The following AP4E1 variants were observed in gnomAD, a reference collection of about 807,000 sequenced individuals.
AP4E1 encodes adaptor related protein complex 4 subunit epsilon 1.
In AP4E1, 56 loss-of-function variants were observed where a neutral mutation model predicts 128.2. That is an observed-to-expected ratio of 0.44 (90% CI 0.35 to 0.55). AP4E1 has a LOEUF of 0.55. AP4E1 is among the 20% of genes least tolerant of loss of function. The pLI, the probability that AP4E1 is intolerant of heterozygous loss-of-function variation, is 0.00. For missense variants in AP4E1, 1,324 were observed against 1,307.7 expected (o/e 1.01, Z -0.19); for synonymous variants, 484 against 473.1 (o/e 1.02, Z -0.30).
rs920925586 is a variant in AP4E1 at position 50,908,834 on chromosome 15, A to G, written c.56A>G (p.Asn19Ser). The change falls in exon 1 of 21, where the codon AAC becomes AGC. Residue 19 changes from asparagine (N) to serine (S), a missense_variant. Coordinates refer to ENST00000261842, the MANE Select transcript of AP4E1 (RefSeq NM_007347.5). ...GCGCTGCCGGGACTCTTTCTGCAGA[A>G]CCAGCCCGGTGGTGGGCCCGCGGCC... ...LTALPGLFLQ[N>S]QPGGGPAAAK... 6.2e-7 allele frequency: 1 copy of G among 1,607,588 alleles called. No individual in the cohort carries two copies. Among genetic ancestry groups the G allele is most frequent in the African/African-American group, 1.3e-5 (1 of 74,826 alleles).
intron 15 of AP4E1, among the ~76,000 whole-genome samples, chr15:50,972,440 G>A (rs1034737022): frequency 1.3e-5 from 2 of 152,116 alleles, no homozygotes; most frequent in Admixed American, 1.3e-4. Flanking sequence ...TCAAACTCCT[G>A]ACCTCAGGTG....
At chr15:50,977,838 T>C (rs535002198) in intron 15 of AP4E1, among the ~76,000 whole-genome samples, 2 of 151,682 alleles carry the variant, frequency 1.3e-5, no homozygotes, top group Admixed American at 6.6e-5. Flanking sequence ...ACTTCCTAAG[T>C]AGCTAGGACA....
chr15:50,929,052 C>T lies in AP4E1; in HGVS notation c.586C>T (p.His196Tyr). 1 of 1,613,774 alleles carries T rather than the reference C, an allele frequency of 6.2e-7. No homozygotes were observed. The highest frequency in any genetic ancestry group is 1.3e-5 in the African/African-American group (1 of 74,988). Reference protein sequence around the residue: ...RKAVLALYKFHLIAPNQVQHI... With the variant: ...RKAVLALYKFYLIAPNQVQHI... ...AGCTGTTCTGGCATTATACAAATTCCATCTCATTGCTCCTAATCAAGTACA... is the reference window on the plus strand; with the variant it reads ...AGCTGTTCTGGCATTATACAAATTCTATCTCATTGCTCCTAATCAAGTACA... Residue 196 changes from histidine (H) to tyrosine (Y), a missense_variant, in exon 6 of 21, where the codon CAT becomes TAT. Coordinates refer to ENST00000261842, the MANE Select transcript of AP4E1 (RefSeq NM_007347.5).
intron 14 of AP4E1, among the ~76,000 whole-genome samples, chr15:50,960,786 A>G (rs181835961): frequency 3.9e-5 from 6 of 152,136 alleles, no homozygotes; most frequent in African/African-American, 1.4e-4. Flanking sequence ...AGATCAGACC[A>G]GAAATAAACA....
At chr15:50,931,176 C>CA (rs2063831147) in intron 7 of AP4E1, among the ~76,000 whole-genome samples, 1 of 152,134 alleles carries the variant, frequency 6.6e-6, no homozygotes, top group Non-Finnish European at 1.5e-5. Context: ...TAATTTTACC[C>CA]ATCATGAAAG....
rs780257873 is a variant in AP4E1, at chr15:50,908,747, G to GGGC, written c.-22_-20dup. 3 of 1,503,390 alleles carry GGGC rather than the reference G, an allele frequency of 2.0e-6. No homozygotes were observed. Among genetic ancestry groups the GGGC allele is most frequent in the African/African-American group, 2.9e-5 (2 of 68,772 alleles). 93.1% of individuals were successfully genotyped at this position (1,503,390 alleles called of 1,614,324 possible). On this transcript the variant is annotated 5_prime_UTR_variant, in exon 1 of 21. Transcript: ENST00000261842. ...TGAAGCCGGGCGGCTACGGGATCGC[G>GGGC]GGCGGCGGCGGCATCGCGGGCGGCG... is the stretch of plus-strand genomic sequence containing the variant.
chr15:50,929,468 CT>C (rs1313572932), intron 6 of AP4E1, among the ~76,000 whole-genome samples: 2 of 150,858 alleles, frequency 1.3e-5, no homozygotes, highest in African/African-American at 4.9e-5. Context: ...CAGTAATTCT[CT>C]TTTATATAAC....
intron 14 of AP4E1, among the ~76,000 whole-genome samples, chr15:50,962,148 G>A (rs2064323841): frequency 6.6e-6 from 1 of 152,010 alleles, no homozygotes; most frequent in Non-Finnish European, 1.5e-5. Context: ...TAAATCCCAT[G>A]CTCATGGATC....
At chr15:51,001,856 T>C (rs759996439) in intron 20 of AP4E1, among the ~76,000 whole-genome samples, 1 of 152,106 alleles carries the variant, frequency 6.6e-6, no homozygotes, top group Non-Finnish European at 1.5e-5. Flanking sequence ...GAAGTGGAAT[T>C]GGTGGATTAT....
chr15:50,921,116 A>ATT (rs34930404), intron 3 of AP4E1, among the ~76,000 whole-genome samples: 18 of 151,498 alleles, frequency 1.2e-4, no homozygotes, highest in African/African-American at 4.1e-4. Context: ...ATGCCTTATT[A>ATT]TTTTTTTTAT....
chr15:51,001,221 G>A, intron 20 of AP4E1, 38 bp downstream of exon 20: 14 of 1,573,276 alleles, frequency 8.9e-6, no homozygotes, highest in Non-Finnish European at 1.2e-5. Context: ...TGTGTTTATA[G>A]GAGCTTTCTT....
intron 15 of AP4E1, among the ~76,000 whole-genome samples, chr15:50,975,530 C>T: frequency 6.7e-6 from 1 of 150,162 alleles, no homozygotes; most frequent in Admixed American, 6.7e-5. Context: ...TTTGGTTTTC[C>T]CAATGTTGTT....
intron 16 of AP4E1, among the ~76,000 whole-genome samples, chr15:50,991,580 G>T (rs2064807228): frequency 6.6e-6 from 1 of 151,808 alleles, no homozygotes; most frequent in African/African-American, 2.4e-5. Flanking sequence ...TTTAGAACCT[G>T]GAGGAAGAAA....
chr15:50,909,121 C>T (rs1180470177), intron 1 of AP4E1, among the ~76,000 whole-genome samples, 193 bp downstream of exon 1: 1 of 152,248 alleles, frequency 6.6e-6, no homozygotes, highest in East Asian at 1.9e-4. Context: ...GCAGGGAAGC[C>T]GAGTTTCCAC....
rs538380806 is a variant in AP4E1, at chr15:50,920,722, A to G, written c.347-3209A>G. 1.7e-4 allele frequency among the ~76,000 whole-genome samples: 25 copies of G among 151,306 alleles called. 1 individual carries two copies. In the South Asian group the frequency reaches 5.0e-3, roughly 30 times the overall value. ...CATTTTATGCCTTCTACATGTCTTCACTCTGGTACTGTTGTCTCATCCACT... is the reference window on the plus strand; with the variant it reads ...CATTTTATGCCTTCTACATGTCTTCGCTCTGGTACTGTTGTCTCATCCACT... On this transcript the variant is annotated intron_variant, in intron 3 of 20. Coordinates refer to ENST00000261842, the MANE Select transcript of AP4E1 (RefSeq NM_007347.5).
rs1453076435 is a variant in AP4E1, at chr15:51,002,925, CACTT to C, written c.*265_*268del. On this transcript the variant is annotated 3_prime_UTR_variant, in exon 21 of 21. Coordinates refer to ENST00000261842, the MANE Select transcript of AP4E1 (RefSeq NM_007347.5). The stretch of plus-strand genomic sequence containing the variant: ...TATAAACTGCTAATGATTTATATAT[CACTT>C]AGTGTGTAGAGGGACTGAAAATATT... The C allele has an allele frequency of 1.2e-4, 52 of 432,470 alleles. No individual in the cohort carries two copies. The highest frequency in any genetic ancestry group is 9.5e-5 in the East Asian group (2 of 21,086). The allele number at this position is 432,470 out of a possible 1,614,324, so 26.8% of individuals were successfully genotyped here. A position where few individuals can be genotyped will look rare whatever the true frequency, so the allele number is the denominator to read the frequency against.
chr15:50,917,948 A>G (rs932714709), intron 3 of AP4E1: 11 of 152,298 alleles, frequency 7.2e-5, no homozygotes, highest in African/African-American at 2.7e-4. Flanking sequence ...AAAAATACAA[A>G]AATTAGCCAG....
chr15:50,985,742 A>T (rs539050115), intron 16 of AP4E1, among the ~76,000 whole-genome samples: 20 of 152,044 alleles, frequency 1.3e-4, no homozygotes, highest in Non-Finnish European at 2.1e-4. Flanking sequence ...AGTCAGGTAG[A>T]GTGATGCCTC....
chr15:50,954,171 T>A (rs1208942472), intron 13 of AP4E1, among the ~76,000 whole-genome samples: 1 of 152,226 alleles, frequency 6.6e-6, no homozygotes, highest in Non-Finnish European at 1.5e-5. Flanking sequence ...GAGACTTTGT[T>A]AAGAATTTTA....
Sources: gnomAD v4.1 joint callset for allele counts (sites outside exome capture counted in the v4.1 genomes callset) on GRCh38, gnomAD v4.1.1 for gene constraint, MANE v1.5 for transcripts, NCBI Gene and HGNC (gene_info 2026-07-23, HGNC 2026-07-21) for gene names.